The following ZNF407 variants were observed in gnomAD, a reference collection of about 807,000 sequenced individuals.
ZNF407 encodes zinc finger protein 407.
In ZNF407, 17 loss-of-function variants were observed where a neutral mutation model predicts 131.2. The observed-to-expected ratio is 0.13, with a 90% CI of 0.09 to 0.19. The LOEUF is 0.19. Among genes scored for constraint, ZNF407 ranks in the 10% least tolerant of loss-of-function variants. ZNF407 has a pLI of 1.00. For synonymous variants in ZNF407, 1,156 were observed against 1,062.0 expected, an observed-to-expected ratio of 1.09 and a Z score of -1.72; for missense variants, 2,681 against 2,830.6, an observed-to-expected ratio of 0.95 and a Z score of 1.20.
intron 3 of ZNF407, among the ~76,000 whole-genome samples, chr18:74,730,075 C>A (rs932430540): frequency 5.3e-5 from 8 of 152,138 alleles, no homozygotes; most frequent in African/African-American, 1.9e-4. Context: ...GGCCATGTGC[C>A]AGGCGCTATT....
At chr18:74,649,184 C>T (rs1985111231) in intron 3 of ZNF407, among the ~76,000 whole-genome samples, 1 of 152,148 alleles carries the variant, frequency 6.6e-6, no homozygotes. Flanking sequence ...CTATTTACTG[C>T]TGAGGTACTA....
At chr18:74,639,326 CT>C (rs1311741088) in intron 2 of ZNF407, among the ~76,000 whole-genome samples, 1 of 152,182 alleles carries the variant, frequency 6.6e-6, no homozygotes, top group Non-Finnish European at 1.5e-5. Context: ...GGTTGATCTT[CT>C]TTGTTTCGAG....
intron 8 of ZNF407, among the ~76,000 whole-genome samples, chr18:74,944,044 CA>C (rs1033909709): frequency 3.3e-5 from 5 of 152,182 alleles, no homozygotes; most frequent in African/African-American, 9.6e-5. Context: ...ACCTGAAGTT[CA>C]AAAGTGGATT....
chr18:74,674,862 C>T (rs934565612), intron 3 of ZNF407, among the ~76,000 whole-genome samples: 1 of 152,158 alleles, frequency 6.6e-6, no homozygotes, highest in African/African-American at 2.4e-5. Context: ...CATACCCCCT[C>T]GCTGGGTAGT....
At chr18:74,711,221 G>T (rs1967753100) in intron 3 of ZNF407, among the ~76,000 whole-genome samples, 1 of 152,152 alleles carries the variant, frequency 6.6e-6, no homozygotes, top group Non-Finnish European at 1.5e-5. Context: ...GCAGAATAAA[G>T]CACCCTCCCC....
At chr18:74,950,237 C>T (rs1171735661) in intron 8 of ZNF407, among the ~76,000 whole-genome samples, 1 of 152,198 alleles carries the variant, frequency 6.6e-6, no homozygotes, top group Non-Finnish European at 1.5e-5. Context: ...GATCCAAACG[C>T]TTCAATATGT....
At chr18:74,601,349 G>A (rs1982576533) in intron 1 of ZNF407, among the ~76,000 whole-genome samples, 1 of 151,676 alleles carries the variant, frequency 6.6e-6, no homozygotes, top group Admixed American at 6.6e-5. Context: ...GTGTGTGTGT[G>A]TGTGTGTGTG....
At chr18:74,980,306 G>GA (rs1345697355) in intron 8 of ZNF407, among the ~76,000 whole-genome samples, 1 of 146,150 alleles carries the variant, frequency 6.8e-6, no homozygotes, top group East Asian at 2.0e-4. Flanking sequence ...GTTAATTGCT[G>GA]AATTTCTTTT....
At chr18:74,731,078 T>TA (rs1386279567) in intron 3 of ZNF407, among the ~76,000 whole-genome samples, 5 of 152,224 alleles carry the variant, frequency 3.3e-5, no homozygotes, top group Non-Finnish European at 7.3e-5. Flanking sequence ...ACTACCTCTT[T>TA]AGAAGGAGAG....
At chr18:74,971,246 C>T (rs1388698087) in intron 8 of ZNF407, among the ~76,000 whole-genome samples, 5 of 152,302 alleles carry the variant, frequency 3.3e-5, no homozygotes, top group Admixed American at 3.3e-4. Context: ...GAGACATTTT[C>T]CCCATAGGTT....
Position 74,901,635 on chromosome 18 carries a change from C to G in ZNF407, c.5249+11597C>G, listed in dbSNP as rs989084094. ...CCTCCCAGGCCCAAGGGCCCGTGTG[C>G]CATGCCTAAGAAATATATGGACAAT... On this transcript the variant is annotated intron_variant, in intron 7 of 8. Coordinates refer to ENST00000299687, the MANE Select transcript of ZNF407 (RefSeq NM_017757.3). Among the ~76,000 whole-genome samples the G allele has an allele frequency of 2.0e-5, 3 of 152,128 alleles. No individual in the cohort carries two copies. In the South Asian group the frequency reaches 6.2e-4, roughly 32 times the overall value.
At chr18:74,838,749 G>A (rs1970591917) in intron 4 of ZNF407, among the ~76,000 whole-genome samples, 1 of 152,130 alleles carries the variant, frequency 6.6e-6, no homozygotes, top group African/African-American at 2.4e-5. Context: ...TCCTTACTCA[G>A]TGAACCAAAT....
chr18:74,632,267 T>C lies in ZNF407; in HGVS notation c.1248T>C (p.Pro416=), dbSNP rs3794941. The C allele has an allele frequency of 0.14, 233,579 of 1,613,798 alleles. 18,818 individuals carry two copies. The highest frequency in any genetic ancestry group is 0.35 in the African/African-American group (26,131 of 74,980). Residue 416 remains proline, a synonymous_variant, in exon 2 of 9, where the codon CCT becomes CCC. Transcript: ENST00000299687. ...HGNSVTSRPR[P]ERNILVLGNS... is the part of the protein sequence containing the mutation. ...ACAGTGTAACCTCGAGGCCAAGACC[T>C]GAGCGAAATATTCTCGTGTTGGGTA...
At chr18:74,952,954 G>A (rs1219505123) in intron 8 of ZNF407, among the ~76,000 whole-genome samples, 1 of 152,214 alleles carries the variant, frequency 6.6e-6, no homozygotes. Flanking sequence ...AGTGGGAGTG[G>A]AATGGAATAT....
At chr18:75,002,487 G>A (rs1972857045) in intron 8 of ZNF407, among the ~76,000 whole-genome samples, 1 of 152,060 alleles carries the variant, frequency 6.6e-6, no homozygotes, top group African/African-American at 2.4e-5. Context: ...CAGACTCTAA[G>A]CCCCATTTGC....
chr18:74,869,628 A>T (rs113813531), intron 4 of ZNF407, among the ~76,000 whole-genome samples: 151 of 152,152 alleles, frequency 9.9e-4, no homozygotes, highest in African/African-American at 3.6e-3. Context: ...CCCTGTATAG[A>T]TGGGGTTTTT....
At chr18:74,996,841 A>G (rs939809246) in intron 8 of ZNF407, among the ~76,000 whole-genome samples, 1 of 152,266 alleles carries the variant, frequency 6.6e-6, no homozygotes, top group African/African-American at 2.4e-5. Context: ...GATGTAAAGT[A>G]AAGACTATGA....
At chr18:74,698,671 T>C (rs1967418829) in intron 3 of ZNF407, among the ~76,000 whole-genome samples, 1 of 152,162 alleles carries the variant, frequency 6.6e-6, no homozygotes, top group Non-Finnish European at 1.5e-5. Flanking sequence ...TCATTGGGCC[T>C]TTACCCTCAA....
At chr18:74,763,180 A>C (rs1969135862) in intron 3 of ZNF407, among the ~76,000 whole-genome samples, 1 of 84,498 alleles carries the variant, frequency 1.2e-5, no homozygotes, top group South Asian at 4.6e-4. Flanking sequence ...AATGATTTTG[A>C]GCATCTTCTT....
Sources: gnomAD v4.1 joint callset for allele counts (sites outside exome capture counted in the v4.1 genomes callset) on GRCh38, gnomAD v4.1.1 for gene constraint, MANE v1.5 for transcripts, NCBI Gene and HGNC (gene_info 2026-07-23, HGNC 2026-07-21) for gene names.